TRAK1: variants seen among roughly 807,000 people sequenced by gnomAD.
TRAK1 encodes the protein trafficking kinesin-binding protein 1.
In TRAK1, 33 loss-of-function variants were observed where a neutral mutation model predicts 92.1. The ratio of observed to expected loss-of-function variants is 0.36; its 90% CI spans 0.27 to 0.48. The LOEUF is 0.48. Ranked by LOEUF, TRAK1 falls within the 20% of genes least tolerant of loss-of-function variation. The pLI, the probability that TRAK1 is intolerant of heterozygous loss-of-function variation, is 0.99. For synonymous variants in TRAK1, 521 were observed against 517.3 expected (o/e 1.01, Z -0.10); for missense variants, 1,123 against 1,257.9 (o/e 0.89, Z 1.62).
intron 2 of TRAK1, among the ~76,000 whole-genome samples, chr3:42,136,069 T>C (rs1045698146): frequency 6.6e-6 from 1 of 152,198 alleles, no homozygotes; most frequent in African/African-American, 2.4e-5. Flanking sequence ...ACCTCAGTCC[T>C]GGTTCTGAAA....
chr3:42,215,597 TAAGTC>T (rs1414764008), intron 14 of TRAK1, among the ~76,000 whole-genome samples: 2 of 152,074 alleles, frequency 1.3e-5, no homozygotes, highest in Non-Finnish European at 2.9e-5. Flanking sequence ...ACTACATGCT[TAAGTC>T]AAGGAAAGAA....
intron 1 of TRAK1, among the ~76,000 whole-genome samples, chr3:42,027,857 A>AT (rs538302179): frequency 2.6e-5 from 4 of 151,120 alleles, no homozygotes; most frequent in South Asian, 4.2e-4. Context: ...AGACTCTGTT[A>AT]TTTTTTTTTG....
At chr3:42,015,726 G>A (rs971567906) in intron 1 of TRAK1, among the ~76,000 whole-genome samples, 1 of 152,128 alleles carries the variant, frequency 6.6e-6, no homozygotes, top group African/African-American at 2.4e-5. Context: ...TATTATGAGG[G>A]TCAAATCAGG....
Position 42,188,217 on chromosome 3 carries a change from C to T in TRAK1, c.581+72C>T. ...GCCGCTGTTGATGTCCTTGGAGTCA[C>T]CTAGACAGGGTCACCTTCAGCAGCA... On this transcript the variant is annotated intron_variant, in intron 5 of 15. Coordinates refer to ENST00000327628, the MANE Select transcript of TRAK1 (RefSeq NM_001042646.3). 4 of 1,442,736 alleles carry T rather than the reference C, an allele frequency of 2.8e-6. No individual in the cohort carries two copies. In the South Asian group the frequency reaches 4.6e-5, roughly 16 times the overall value. The allele number at this position is 1,442,736 out of a possible 1,614,324, so 89.4% of individuals were successfully genotyped here. A position where few individuals can be genotyped will look rare whatever the true frequency, so the allele number is the denominator to read the frequency against.
At chr3:42,127,183 C>T (rs1053343091) in intron 2 of TRAK1, among the ~76,000 whole-genome samples, 3 of 151,976 alleles carry the variant, frequency 2.0e-5, no homozygotes, top group South Asian at 2.1e-4. Flanking sequence ...AGACTGTAGA[C>T]GTCTGCAAAA....
intron 2 of TRAK1, among the ~76,000 whole-genome samples, chr3:42,159,217 T>G (rs1273969803): frequency 6.6e-6 from 1 of 152,130 alleles, no homozygotes; most frequent in African/African-American, 2.4e-5. Context: ...AATTGTTTTA[T>G]GAAGACCTTG....
chr3:42,116,297 G>A (rs997231319), intron 1 of TRAK1, among the ~76,000 whole-genome samples: 2 of 152,230 alleles, frequency 1.3e-5, no homozygotes, highest in Admixed American at 6.5e-5. Flanking sequence ...AGGAGGTTGC[G>A]CCAGTAGTTT....
intron 10 of TRAK1, 79 bp downstream of exon 10, chr3:42,195,020 T>C: frequency 1.3e-6 from 2 of 1,540,496 alleles, no homozygotes; most frequent in Admixed American, 1.9e-5. Flanking sequence ...TTCTGGCCAC[T>C]GGAGTTGGGT....
chr3:42,217,516 C>T (rs1334829190), intron 14 of TRAK1: 1 of 985,292 alleles, frequency 1.0e-6, no homozygotes, highest in Non-Finnish European at 1.2e-6. Flanking sequence ...CCATCTTACA[C>T]TCCCTATTGC....
At chr3:42,113,154 G>A (rs543655190) in intron 1 of TRAK1, among the ~76,000 whole-genome samples, 1 of 152,292 alleles carries the variant, frequency 6.6e-6, no homozygotes, top group East Asian at 1.9e-4. Flanking sequence ...GCTGAGGTGG[G>A]CGGATCAGTT....
At chr3:42,069,824 A>AT (rs1703840242) in intron 1 of TRAK1, among the ~76,000 whole-genome samples, 1 of 151,956 alleles carries the variant, frequency 6.6e-6, no homozygotes, top group Non-Finnish European at 1.5e-5. Context: ...TGCAGTTATG[A>AT]TTTTTCTTAG....
In TRAK1 at chr3:42,194,915, T is replaced by C. The variant is rs1190509286; in HGVS notation, c.1087T>C (p.Tyr363His). Reference protein sequence around the residue: ...KTMPNTTSRRYHSLGLFPMDS... With the variant: ...KTMPNTTSRRHHSLGLFPMDS... ...CATGCCCAATACCACGTCTCGGCGC[T>C]ACCACTCACTGGGCCTGTTTCCCAT... Residue 363 changes from tyrosine (Y) to histidine (H), a missense_variant, in exon 10 of 16, where the codon TAC becomes CAC. By Grantham distance (83) the Tyr-to-His change is moderately conservative (BLOSUM62 2). Coordinates refer to ENST00000327628, the MANE Select transcript of TRAK1 (RefSeq NM_001042646.3). The C allele has an allele frequency of 6.2e-7, 1 of 1,613,908 alleles. No homozygotes were observed. Among genetic ancestry groups the C allele is most frequent in the Middle Eastern group, 1.7e-4 (1 of 6,060 alleles).
chr3:42,103,506 A>G (rs114904903), intron 1 of TRAK1, among the ~76,000 whole-genome samples: 4 of 152,074 alleles, frequency 2.6e-5, no homozygotes, highest in African/African-American at 4.8e-5. Context: ...AAAGATTTCT[A>G]CTGTCATTGT....
intron 14 of TRAK1, among the ~76,000 whole-genome samples, chr3:42,213,229 T>A (rs1252041858): frequency 6.6e-6 from 1 of 152,104 alleles, no homozygotes; most frequent in Non-Finnish European, 1.5e-5. Flanking sequence ...GCTAATTTTT[T>A]GTATTTTTGT....
At chr3:42,013,754 C>A, upstream of TRAK1, 1 of 148,380 alleles carries the variant, frequency 6.7e-6, no homozygotes, top group South Asian at 1.8e-4. The surrounding 1 kb of genome is among the most constrained non-coding windows in gnomAD (Gnocchi z 5.1). Flanking sequence ...GCCGCCCCCG[C>A]GCGCCCCGAG....
chr3:42,121,913 G>A (rs1709935487), intron 1 of TRAK1, among the ~76,000 whole-genome samples: 1 of 152,076 alleles, frequency 6.6e-6, no homozygotes, highest in African/African-American at 2.4e-5. Context: ...TGCCTCCCGG[G>A]TTCAAGTGAT....
intron 1 of TRAK1, among the ~76,000 whole-genome samples, chr3:42,110,112 A>G (rs1262091512): frequency 2.2e-5 from 3 of 133,724 alleles, no homozygotes; most frequent in East Asian, 2.8e-4. Context: ...ATATATATAT[A>G]TATATATATA....
In TRAK1 at chr3:42,204,168, ATCTT is replaced by A. The variant is rs1373690200; in HGVS notation, c.1744+1419_1744+1422del. On this transcript the variant is annotated intron_variant, in intron 13 of 15. Transcript: ENST00000327628. ...CACATTGTGTGTGTTCTTCAATAAAATCTTTCATTTCTGCAATTTTACTTTCTGC... is the reference window on the plus strand; with the variant it reads ...CACATTGTGTGTGTTCTTCAATAAAATCATTTCTGCAATTTTACTTTCTGC... 42 of 985,758 alleles carry A rather than the reference ATCTT, an allele frequency of 4.3e-5. No individual in the cohort carries two copies. The South Asian group carries it at 7.0e-4, about 17-fold the overall frequency. The allele number at this position is 985,758 out of a possible 1,614,324, so 61.1% of individuals were successfully genotyped here.
At chr3:42,039,991 T>C (rs1702473208) in intron 1 of TRAK1, among the ~76,000 whole-genome samples, 1 of 152,226 alleles carries the variant, frequency 6.6e-6, no homozygotes, top group East Asian at 1.9e-4. Flanking sequence ...TCTTTTCATG[T>C]GCTTATTGGC....
Sources: gnomAD v4.1 joint callset for allele counts (sites outside exome capture counted in the v4.1 genomes callset) on GRCh38, gnomAD v4.1.1 for gene constraint, Gnocchi (gnomAD v3.1) non-coding constraint, MANE v1.5 for transcripts, NCBI Gene and HGNC (gene_info 2026-07-23, HGNC 2026-07-21) for gene names.